Variants in SDK1 observed in about 807,000 individuals in gnomAD.
SDK1 encodes the protein sidekick cell adhesion molecule 1.
In SDK1, 157 loss-of-function variants were observed where a neutral mutation model predicts 245.5. The ratio of observed to expected loss-of-function variants is 0.64; its 90% CI spans 0.56 to 0.73. SDK1 has a LOEUF of 0.73. Among genes scored for constraint, SDK1 ranks in the 30% least tolerant of loss-of-function variants. The pLI is 0.00. For synonymous variants in SDK1, 1,647 were observed against 1,278.5 expected (o/e 1.29, Z -6.15); for missense variants, 3,583 against 3,002.3 (o/e 1.19, Z -4.52).
chr7:3,372,941 A>C (rs73294229), intron 1 of SDK1, among the ~76,000 whole-genome samples: 2,039 of 152,340 alleles, frequency 0.013, 43 homozygotes, highest in African/African-American at 0.033. Flanking sequence ...AGGAAAAGAA[A>C]AATGCAGGCT....
chr7:3,608,770 A>G (rs996088767), intron 1 of SDK1, among the ~76,000 whole-genome samples: 1 of 152,244 alleles, frequency 6.6e-6, no homozygotes, highest in Non-Finnish European at 1.5e-5. Context: ...CCAAAGTGTC[A>G]TTTATGCGGT....
chr7:3,571,925 C>A (rs1275222265), intron 1 of SDK1, among the ~76,000 whole-genome samples: 1 of 152,078 alleles, frequency 6.6e-6, no homozygotes, highest in Admixed American at 6.5e-5. Flanking sequence ...TACTCTCTTT[C>A]CATCCCATCC....
At chr7:3,408,615 G>A (rs192017981) in intron 1 of SDK1, among the ~76,000 whole-genome samples, 20 of 152,194 alleles carry the variant, frequency 1.3e-4, no homozygotes, top group South Asian at 2.1e-4. Flanking sequence ...TTTGCTTTCT[G>A]TATGTTGAAC....
chr7:3,403,293 A>G (rs1339172074), intron 1 of SDK1, among the ~76,000 whole-genome samples: 2 of 152,082 alleles, frequency 1.3e-5, no homozygotes, highest in Non-Finnish European at 2.9e-5. Flanking sequence ...CTGTAATTTA[A>G]AATTTTGTAA....
At chr7:4,255,352 C>T (rs1164244875) in intron 44 of SDK1, among the ~76,000 whole-genome samples, 2 of 152,220 alleles carry the variant, frequency 1.3e-5, no homozygotes, top group African/African-American at 2.4e-5. Context: ...TGCGCAGGAC[C>T]TCTGTGTCAC....
chr7:3,709,654 AG>A (rs1784985209), intron 4 of SDK1, among the ~76,000 whole-genome samples: 1 of 152,206 alleles, frequency 6.6e-6, no homozygotes, highest in African/African-American at 2.4e-5. Context: ...TTTCTTTCCA[AG>A]GGGGAGACGC....
At chr7:3,495,110 G>A (rs949577574) in intron 1 of SDK1, among the ~76,000 whole-genome samples, 1 of 151,956 alleles carries the variant, frequency 6.6e-6, no homozygotes, top group Non-Finnish European at 1.5e-5. Context: ...GCCACCATCC[G>A]TCAGTCTCTG....
chr7:3,624,144 C>T (rs1782036116), intron 2 of SDK1, among the ~76,000 whole-genome samples: 1 of 152,144 alleles, frequency 6.6e-6, no homozygotes, highest in African/African-American at 2.4e-5. Context: ...CCTTTGAAGC[C>T]ATCATAGAAT....
chr7:3,867,463 TCA>T (rs1780848879), intron 5 of SDK1, among the ~76,000 whole-genome samples: 1 of 152,176 alleles, frequency 6.6e-6, no homozygotes, highest in Middle Eastern at 3.2e-3. Flanking sequence ...TTTAATGGAC[TCA>T]CAGTGTCATA....
chr7:4,145,788 C>T lies in SDK1; in HGVS notation c.4295C>T (p.Ala1432Val), dbSNP rs1331951165. 6.2e-7 allele frequency: 1 copy of T among 1,613,750 alleles called. No individual in the cohort carries two copies. The highest frequency in any genetic ancestry group is 1.7e-5 in the Admixed American group (1 of 59,964). ...PHTFTTVEVGATVRQFTATDL... is the reference protein window; with the variant it reads ...PHTFTTVEVGVTVRQFTATDL... The stretch of plus-strand genomic sequence containing the variant: ...ACCTTCACCACCGTGGAGGTCGGCG[C>T]CACAGTGAGGCAGTTCACAGCCACC... The change falls in exon 29 of 45, where the codon GCC becomes GTC. Residue 1432 changes from alanine to valine, a missense_variant. Transcript: ENST00000404826.
intron 1 of SDK1, among the ~76,000 whole-genome samples, chr7:3,363,117 G>A (rs968016113): frequency 1.3e-5 from 2 of 152,142 alleles, no homozygotes; most frequent in African/African-American, 4.8e-5. Context: ...TTGCCCTTCT[G>A]CAGCCACACT....
At chr7:4,028,682 C>G (rs1787552325) in intron 17 of SDK1, among the ~76,000 whole-genome samples, 1 of 152,234 alleles carries the variant, frequency 6.6e-6, no homozygotes, top group African/African-American at 2.4e-5. Flanking sequence ...GGAGGACAGG[C>G]TGGGAAGGTC....
chr7:4,082,672 G>C (rs533472118), intron 22 of SDK1, among the ~76,000 whole-genome samples: 1 of 152,112 alleles, frequency 6.6e-6, no homozygotes, highest in Non-Finnish European at 1.5e-5. Flanking sequence ...CCAGACAGGA[G>C]TGAAGTGGTA....
intron 20 of SDK1, among the ~76,000 whole-genome samples, chr7:4,075,147 C>T (rs1780577940): frequency 6.6e-6 from 1 of 151,724 alleles, no homozygotes; most frequent in Non-Finnish European, 1.5e-5. Context: ...GGTGACAACT[C>T]ACAGGATGGC....
Position 3,802,155 on chromosome 7 carries a change from G to A in SDK1, c.714-19295G>A, listed in dbSNP as rs77057991. Among the ~76,000 whole-genome samples the A allele has an allele frequency of 1.2e-3, 188 of 152,258 alleles. 7 individuals carry two copies. In the East Asian group the frequency reaches 0.034, roughly 27 times the overall value. ...CTGTAGTGCAATATCAAAACCAGGA[G>A]ATTGACACTAGTACAATGTGTGTTT... On this transcript the variant is annotated intron_variant, in intron 4 of 44. Coordinates refer to ENST00000404826, the MANE Select transcript of SDK1 (RefSeq NM_152744.4).
At chr7:4,065,715 T>TTTTTTTTTTTTTTTTTG (rs1779852149) in intron 19 of SDK1, among the ~76,000 whole-genome samples, 1 of 140,706 alleles carries the variant, frequency 7.1e-6, no homozygotes, top group Admixed American at 7.2e-5. Flanking sequence ...TTTTTTTTTT[T>TTTTTTTTTTTTTTTTTG]TTTTTTTTTT....
chr7:3,812,308 CA>C (rs1446784738), intron 4 of SDK1, among the ~76,000 whole-genome samples: 1 of 152,216 alleles, frequency 6.6e-6, no homozygotes, highest in African/African-American at 2.4e-5. Context: ...TTATCGACTA[CA>C]CACTGTTTGG....
At chr7:3,939,722 G>A (rs922302463) in intron 5 of SDK1, among the ~76,000 whole-genome samples, 12 of 152,158 alleles carry the variant, frequency 7.9e-5, no homozygotes, top group Non-Finnish European at 1.6e-4. Flanking sequence ...GGTATCCCGG[G>A]AGCAGAGCCA....
At chr7:4,115,379 A>G (rs1035395960) in intron 25 of SDK1, among the ~76,000 whole-genome samples, 5 of 152,158 alleles carry the variant, frequency 3.3e-5, no homozygotes, top group African/African-American at 1.2e-4. Context: ...TGAAGGGTTG[A>G]GATGGTGAAC....
Sources: allele counts gnomAD v4.1 joint callset (sites outside exome capture counted in the v4.1 genomes callset), GRCh38; gene constraint gnomAD v4.1.1; transcripts MANE v1.5; gene names NCBI Gene and HGNC (gene_info 2026-07-23, HGNC 2026-07-21).